CRACDL: variants seen among roughly 807,000 people sequenced by gnomAD.
CRACDL encodes CRACD-like protein.
Under a neutral mutation model 70.6 loss-of-function variants are expected in CRACDL, and 26 were observed. The observed-to-expected ratio is 0.37, with a 90% CI of 0.27 to 0.51. The LOEUF (loss-of-function observed/expected upper bound fraction) is 0.51, where lower values mean the gene tolerates loss of function less well. Among genes scored for constraint, CRACDL ranks in the 20% least tolerant of loss-of-function variants. The pLI is 0.94. For missense variants in CRACDL, 1,283 were observed against 1,376.9 expected (o/e 0.93, Z 1.08); for synonymous variants, 618 against 615.2 (o/e 1.00, Z -0.07).
At chr2:98,860,920 C>A (rs1031431835) in intron 1 of CRACDL, among the ~76,000 whole-genome samples, 1 of 152,150 alleles carries the variant, frequency 6.6e-6, no homozygotes, top group Admixed American at 6.5e-5. Context: ...AAAGATATCC[C>A]ATTTAAAAAC....
chr2:98,929,933 TA>T (rs1377324297), intron 1 of CRACDL, among the ~76,000 whole-genome samples: 2 of 152,086 alleles, frequency 1.3e-5, no homozygotes, highest in Non-Finnish European at 2.9e-5. Context: ...AGACTCACGA[TA>T]CATTCGACAT....
chr2:98,807,946 G>GA (rs1410752963), intron 7 of CRACDL, among the ~76,000 whole-genome samples: 9 of 152,160 alleles, frequency 5.9e-5, no homozygotes, highest in Admixed American at 1.3e-4. Flanking sequence ...TGACAGCCCT[G>GA]AAACAGTGCT....
chr2:98,866,480 T>C (rs1252971346), intron 1 of CRACDL, among the ~76,000 whole-genome samples: 4 of 50,920 alleles, frequency 7.9e-5, no homozygotes, highest in Non-Finnish European at 1.5e-4. Context: ...TTCTTCTTTT[T>C]TTTTTTTTTT....
intron 1 of CRACDL, among the ~76,000 whole-genome samples, chr2:98,874,095 C>T (rs1707419784): frequency 6.6e-6 from 1 of 152,218 alleles, no homozygotes; most frequent in Admixed American, 6.5e-5. Context: ...ATTATAGCCC[C>T]AAAGCCCAAT....
chr2:98,933,350 A>G (rs1025926353), intron 1 of CRACDL, among the ~76,000 whole-genome samples: 2 of 152,168 alleles, frequency 1.3e-5, no homozygotes, highest in Admixed American at 1.3e-4. Context: ...GGGGTCCCCG[A>G]GGAGTAACGT....
Position 98,900,773 on chromosome 2 carries a change from C to T in CRACDL, c.-11+35165G>A, listed in dbSNP as rs56228128. On this transcript the variant is annotated intron_variant, in intron 1 of 9. Coordinates refer to ENST00000397899, the MANE Select transcript of CRACDL (RefSeq NM_207362.3). ...CCTCCTTCCATCCTGACTTGGCACC[C>T]TGAAAATGACGCAAGGGCCCAAGCC... Among the ~76,000 whole-genome samples, 658 of 152,278 alleles carry T rather than the reference C, an allele frequency of 4.3e-3. 4 individuals carry two copies. Among genetic ancestry groups the T allele is most frequent in the African/African-American group, 0.015 (618 of 41,546 alleles).
rs549502044 is a variant in CRACDL, at chr2:98,879,826, G to A, written c.-10-33016C>T. Among the ~76,000 whole-genome samples the A allele has an allele frequency of 9.8e-5, 15 of 152,346 alleles. No homozygotes were observed. In the South Asian group the frequency reaches 2.1e-3, roughly 21 times the overall value. On this transcript the variant is annotated intron_variant, in intron 1 of 9. Coordinates refer to ENST00000397899, the MANE Select transcript of CRACDL (RefSeq NM_207362.3). ...CTCCCAAAGTGCTAGGACTACAGGC[G>A]TGAGCCACTGTGCGCAGCCTCAGCC...
At position 98,822,205 on chromosome 2, in the gene CRACDL, AGGTGGACCGGAG is replaced by A; in HGVS notation, c.2056_2067del (p.Leu686_Thr689del). 1.9e-6 allele frequency: 3 copies of A among 1,610,154 alleles called. No homozygotes were observed. Among genetic ancestry groups the A allele is most frequent in the Non-Finnish European group, 1.7e-6 (2 of 1,179,222 alleles). On this transcript the variant is annotated inframe_deletion, in exon 7 of 10. Transcript: ENST00000397899. The surrounding 1 kb of genome is among the most constrained non-coding windows in gnomAD (Gnocchi z 4.9). ...CCATCCCTGTATTTGAGCGAGAGGG[AGGTGGACCGGAG>A]CTTGACGGGGAAGGGGTTTCTGTCC...
intron 1 of CRACDL, among the ~76,000 whole-genome samples, chr2:98,903,842 G>A (rs1313122478): frequency 1.3e-5 from 2 of 152,186 alleles, no homozygotes; most frequent in East Asian, 1.9e-4. Flanking sequence ...ACATGCACAC[G>A]CGTCCACGTG....
chr2:98,842,326 T>C (rs1706064852), intron 2 of CRACDL, among the ~76,000 whole-genome samples: 2 of 151,698 alleles, frequency 1.3e-5, no homozygotes, highest in Non-Finnish European at 2.9e-5. Flanking sequence ...AAATTTAATT[T>C]AAAATAAAAT....
Position 98,832,507 on chromosome 2 carries a change from T to G in CRACDL, c.381A>C (p.Lys127Asn). The G allele has an allele frequency of 6.3e-7, 1 of 1,590,988 alleles. No individual in the cohort carries two copies. The highest frequency in any genetic ancestry group is 8.6e-7 in the Non-Finnish European group (1 of 1,168,424). The change falls in exon 5 of 10, where the codon AAA (lysine) becomes AAC (asparagine). Residue 127 changes from lysine to asparagine, a missense_variant. Physicochemically the swap from Lys to Asn is moderately conservative, Grantham distance 94 (BLOSUM62 0). Transcript: ENST00000397899. ...VCDRIKALQL[K>N]IQCNVKMGPP... ...GCCCCATTTTCACATTACACTGTAT[T>G]TTTAACTAGATTGGAATAAAGAACA...
intron 1 of CRACDL, among the ~76,000 whole-genome samples, chr2:98,916,722 T>C (rs1487632310): frequency 1.3e-5 from 2 of 152,010 alleles, no homozygotes; most frequent in Non-Finnish European, 2.9e-5. Context: ...ATTTTAAAAG[T>C]TCTATGCACC....
rs1380297376 is a variant in CRACDL at position 98,823,604 on chromosome 2, C to CT, written c.736-68dup. The CT allele has an allele frequency of 5.9e-6, 9 of 1,528,462 alleles. No homozygotes were observed. The African/African-American group carries it at 6.9e-5, about 12-fold the overall frequency. 94.7% of individuals were successfully genotyped at this position (1,528,462 alleles called of 1,614,324 possible). ...TTCCAGGAAGCCTGTCACCTCCCCA[C>CT]TTTTTTCAAGGCTTATAATGGTTTA... On this transcript the variant is annotated intron_variant, in intron 6 of 9. Transcript: ENST00000397899. This position sits in a 1 kb window ranked among gnomAD's most constrained non-coding sequence, Gnocchi z 4.0.
chr2:98,836,387 G>A (rs1252419600), intron 3 of CRACDL, among the ~76,000 whole-genome samples: 1 of 152,142 alleles, frequency 6.6e-6, no homozygotes, highest in Non-Finnish European at 1.5e-5. Context: ...CACTTCCCAG[G>A]CCTCATCATG....
chr2:98,919,904 C>T (rs776336672), intron 1 of CRACDL, among the ~76,000 whole-genome samples: 11 of 152,074 alleles, frequency 7.2e-5, no homozygotes, highest in Non-Finnish European at 1.6e-4. Context: ...AGGTATGCAC[C>T]ACCACATCTG....
chr2:98,831,664 C>A (rs145199712), intron 5 of CRACDL, among the ~76,000 whole-genome samples: 2 of 152,200 alleles, frequency 1.3e-5, no homozygotes, highest in African/African-American at 4.8e-5. Flanking sequence ...GTTCTTACCA[C>A]AATAACATAA....
chr2:98,887,327 A>G (rs1558623498), intron 1 of CRACDL, among the ~76,000 whole-genome samples: 1 of 152,164 alleles, frequency 6.6e-6, no homozygotes, highest in Non-Finnish European at 1.5e-5. Context: ...TCTATTTAAA[A>G]AAAAATTAAA....
At chr2:98,889,612 T>G (rs1707909404) in intron 1 of CRACDL, among the ~76,000 whole-genome samples, 1 of 152,080 alleles carries the variant, frequency 6.6e-6, no homozygotes, top group Non-Finnish European at 1.5e-5. Flanking sequence ...AAATTAAACA[T>G]AAGATCAATA....
chr2:98,833,318 G>A (rs78883785), intron 3 of CRACDL, among the ~76,000 whole-genome samples: 7 of 152,188 alleles, frequency 4.6e-5, no homozygotes, highest in Non-Finnish European at 8.8e-5. Context: ...GGGCTGGCAC[G>A]GCCAGCTTCT....
Sources: allele counts gnomAD v4.1 joint callset (sites outside exome capture counted in the v4.1 genomes callset), GRCh38; gene constraint gnomAD v4.1.1; non-coding constraint Gnocchi (gnomAD v3.1); transcripts MANE v1.5; gene names NCBI Gene and HGNC (gene_info 2026-07-23, HGNC 2026-07-21).